CTNNA3: variants seen among roughly 807,000 people sequenced by gnomAD.
CTNNA3 encodes catenin alpha-3.
Under a neutral mutation model 95.7 loss-of-function variants are expected in CTNNA3, and 76 were observed. That is an observed-to-expected ratio of 0.79 (90% CI 0.66 to 0.96). CTNNA3 has a LOEUF of 0.96. CTNNA3 is among the 40% of genes least tolerant of loss of function. The pLI is 0.00. For synonymous variants in CTNNA3, 431 were observed against 374.4 expected (o/e 1.15, Z -1.74); for missense variants, 1,191 against 1,089.8 (o/e 1.09, Z -1.31).
chr10:67,449,888 T>A (rs1175819399), intron 5 of CTNNA3, among the ~76,000 whole-genome samples: 1 of 151,474 alleles, frequency 6.6e-6, no homozygotes, highest in Non-Finnish European at 1.5e-5. Context: ...TAGGAAAAAA[T>A]TTTGCAAACT....
Position 66,630,859 on chromosome 10 carries a change from A to G in CTNNA3, c.1282-9075T>C, listed in dbSNP as rs1845110789. ...TAGCAAATTGCAGGGAAACAATTTC[A>G]TCAACTAACAAATATTGATTATGCA... is the stretch of plus-strand genomic sequence containing the variant. On this transcript the variant is annotated intron_variant, in intron 9 of 17. Transcript: ENST00000433211. Among the ~76,000 whole-genome samples, 6 of 152,306 alleles carry G rather than the reference A, an allele frequency of 3.9e-5. No homozygotes were observed. The South Asian group carries it at 1.2e-3, about 32-fold the overall frequency.
chr10:67,597,584 C>T (rs981649416), intron 3 of CTNNA3, among the ~76,000 whole-genome samples: 1 of 152,054 alleles, frequency 6.6e-6, no homozygotes, highest in Non-Finnish European at 1.5e-5. Context: ...GGGGCTGGGA[C>T]CAAGCCCACA....
chr10:67,451,788 A>C (rs1367847015), intron 5 of CTNNA3, among the ~76,000 whole-genome samples: 1 of 152,216 alleles, frequency 6.6e-6, no homozygotes, highest in Non-Finnish European at 1.5e-5. Flanking sequence ...GCCTTATGGA[A>C]GGGTAAGAAA....
At chr10:66,344,556 T>G (rs1412866822) in intron 12 of CTNNA3, among the ~76,000 whole-genome samples, 1 of 151,998 alleles carries the variant, frequency 6.6e-6, no homozygotes, top group Non-Finnish European at 1.5e-5. Context: ...TGTGAGCCAC[T>G]GGGCCCAGCC....
intron 9 of CTNNA3, among the ~76,000 whole-genome samples, chr10:66,654,497 C>T (rs944566239): frequency 8.5e-5 from 13 of 152,066 alleles, no homozygotes; most frequent in Admixed American, 5.9e-4. Context: ...CTTGTACACT[C>T]CTGGTGGGAA....
At chr10:66,681,073 A>G (rs1374645458) in intron 9 of CTNNA3, among the ~76,000 whole-genome samples, 1 of 152,158 alleles carries the variant, frequency 6.6e-6, no homozygotes, top group African/African-American at 2.4e-5. Flanking sequence ...TCACTGATGA[A>G]ACAGTTTGTG....
At chr10:66,596,353 T>C (rs781060172) in intron 10 of CTNNA3, among the ~76,000 whole-genome samples, 2 of 152,054 alleles carry the variant, frequency 1.3e-5, no homozygotes, top group African/African-American at 4.8e-5. Flanking sequence ...GTCTACTACA[T>C]ATGGTACCCT....
chr10:67,391,087 A>T (rs1844454595), intron 5 of CTNNA3, among the ~76,000 whole-genome samples: 1 of 150,794 alleles, frequency 6.6e-6, no homozygotes, highest in Admixed American at 6.6e-5. Context: ...AATAAAGGGT[A>T]TTCAATTAGG....
chr10:66,217,723 T>A (rs113440971), intron 13 of CTNNA3, among the ~76,000 whole-genome samples: 3 of 152,262 alleles, frequency 2.0e-5, no homozygotes, highest in East Asian at 3.9e-4. Context: ...TGCCATTTTC[T>A]CCCCCCAAAA....
chr10:66,405,550 GTTC>G (rs1211780277), intron 11 of CTNNA3, among the ~76,000 whole-genome samples: 1 of 152,062 alleles, frequency 6.6e-6, no homozygotes, highest in African/African-American at 2.4e-5. Context: ...TATATCCAGT[GTTC>G]TTCTCTTATA....
intron 13 of CTNNA3, among the ~76,000 whole-genome samples, chr10:66,217,534 A>G (rs1468404240): frequency 2.0e-5 from 3 of 152,118 alleles, no homozygotes; most frequent in African/African-American, 7.2e-5. Flanking sequence ...TCATTTGTTG[A>G]AGGACATTTT....
intron 7 of CTNNA3, among the ~76,000 whole-genome samples, chr10:66,918,698 T>C (rs1350664957): frequency 6.6e-6 from 1 of 152,174 alleles, no homozygotes; most frequent in Non-Finnish European, 1.5e-5. Flanking sequence ...TCTAAGATCT[T>C]GATACGAACA....
intron 15 of CTNNA3, among the ~76,000 whole-genome samples, chr10:66,039,242 C>T (rs1486138030): frequency 6.6e-6 from 1 of 152,112 alleles, no homozygotes; most frequent in Non-Finnish European, 1.5e-5. Flanking sequence ...AAAGAAATCA[C>T]AGATGACACA....
chr10:67,119,272 G>A (rs1859348277), intron 7 of CTNNA3, among the ~76,000 whole-genome samples: 1 of 151,844 alleles, frequency 6.6e-6, no homozygotes, highest in African/African-American at 2.4e-5. Context: ...AACATCTAGA[G>A]TAATATACCA....
At chr10:66,786,310 G>C (rs1840741857) in intron 7 of CTNNA3, among the ~76,000 whole-genome samples, 1 of 151,984 alleles carries the variant, frequency 6.6e-6, no homozygotes, top group Non-Finnish European at 1.5e-5. Flanking sequence ...CAAGTTTATG[G>C]GAAAAGTCAG....
rs1200161173 is a variant in CTNNA3 at position 67,180,275 on chromosome 10, G to A, written c.1047+42C>T. 4 of 1,514,996 alleles carry A rather than the reference G, an allele frequency of 2.6e-6. No individual in the cohort carries two copies. In the South Asian group the frequency reaches 4.5e-5, roughly 17 times the overall value. 93.8% of individuals were successfully genotyped at this position (1,514,996 alleles called of 1,614,324 possible). A position where few individuals can be genotyped will look rare whatever the true frequency, so the allele number is the denominator to read the frequency against. ...ATCTCAGCCTATATTCAAAGTACAA[G>A]GGAAGAGGGGCTAGGGATGGGAAGG... On this transcript the variant is annotated intron_variant, in intron 7 of 17. Transcript: ENST00000433211.
At chr10:66,016,053 C>T (rs532113293) in intron 15 of CTNNA3, among the ~76,000 whole-genome samples, 1 of 152,206 alleles carries the variant, frequency 6.6e-6, no homozygotes, top group Non-Finnish European at 1.5e-5. Context: ...TGTGAGCTAA[C>T]ATGTCTCTCC....
intron 11 of CTNNA3, among the ~76,000 whole-genome samples, chr10:66,436,641 T>C (rs1470018843): frequency 6.6e-6 from 1 of 151,846 alleles, no homozygotes; most frequent in African/African-American, 2.4e-5. Context: ...TGACTCTTTA[T>C]CCAATTTGTC....
At chr10:67,055,708 T>A (rs1342165612) in intron 7 of CTNNA3, among the ~76,000 whole-genome samples, 1 of 152,032 alleles carries the variant, frequency 6.6e-6, no homozygotes, top group African/African-American at 2.4e-5. Context: ...TTTGTGGGAG[T>A]AAGGCTTGGG....
Sources: gnomAD v4.1 joint callset for allele counts (sites outside exome capture counted in the v4.1 genomes callset) on GRCh38, gnomAD v4.1.1 for gene constraint, MANE v1.5 for transcripts, NCBI Gene and HGNC (gene_info 2026-07-23, HGNC 2026-07-21) for gene names.